The following GRID2 variants were observed in gnomAD, a reference collection of about 807,000 sequenced individuals.
GRID2 encodes the protein glutamate ionotropic receptor delta type subunit 2, also known as glutamate receptor ionotropic, delta-2.
GRID2 carries 33 observed loss-of-function variants against 114.8 expected under a neutral mutation model. The ratio of observed to expected loss-of-function variants is 0.29; its 90% CI spans 0.22 to 0.38. GRID2 has a LOEUF of 0.38. GRID2 is among the 10% of genes least tolerant of loss of function. The pLI, the probability that GRID2 is intolerant of heterozygous loss-of-function variation, is 1.00. For synonymous variants in GRID2, 505 were observed against 449.9 expected, an observed-to-expected ratio of 1.12 and a Z score of -1.55; for missense variants, 1,184 against 1,257.7, an observed-to-expected ratio of 0.94 and a Z score of 0.89.
intron 2 of GRID2, among the ~76,000 whole-genome samples, chr4:92,957,126 C>T (rs1275928942): frequency 2.0e-5 from 3 of 152,026 alleles, no homozygotes; most frequent in African/African-American, 2.4e-5. Flanking sequence ...TTGACAGTAT[C>T]TTTCACAGAG....
intron 2 of GRID2, among the ~76,000 whole-genome samples, chr4:93,059,639 A>G (rs1429641592): frequency 6.6e-6 from 1 of 152,148 alleles, no homozygotes; most frequent in Non-Finnish European, 1.5e-5. Flanking sequence ...TAACAGTACT[A>G]TGTTTTTCAT....
chr4:92,548,039 A>C (rs2149169594), intron 1 of GRID2, among the ~76,000 whole-genome samples: 1 of 152,288 alleles, frequency 6.6e-6, no homozygotes, highest in Non-Finnish European at 1.5e-5. Context: ...AGGCAACAAT[A>C]ATGATAAAAT....
chr4:92,332,388 C>A (rs1726937800), intron 1 of GRID2, among the ~76,000 whole-genome samples: 1 of 152,114 alleles, frequency 6.6e-6, no homozygotes, highest in South Asian at 2.1e-4. Flanking sequence ...GACTTAAACA[C>A]TTCCTGTTAG....
chr4:92,408,872 G>A (rs2110296259), intron 1 of GRID2, among the ~76,000 whole-genome samples: 1 of 152,166 alleles, frequency 6.6e-6, no homozygotes, highest in Admixed American at 6.5e-5. Flanking sequence ...TGTTTAGGTG[G>A]AGTCTTTGGG....
At chr4:93,063,924 T>C (rs867767472) in intron 2 of GRID2, among the ~76,000 whole-genome samples, 9 of 151,526 alleles carry the variant, frequency 5.9e-5, no homozygotes, top group Admixed American at 1.3e-4. Flanking sequence ...ATATATTTTG[T>C]TTAAAGTTAA....
In GRID2 at chr4:92,747,451, G is replaced by A. The variant is rs1429136288; in HGVS notation, c.244+157165G>A. Among the ~76,000 whole-genome samples, 5 of 152,148 alleles carry A rather than the reference G, an allele frequency of 3.3e-5. No individual in the cohort carries two copies. The East Asian group carries it at 9.7e-4, about 29-fold the overall frequency. On this transcript the variant is annotated intron_variant, in intron 2 of 15. Transcript: ENST00000282020. ...GTAAAAGTAAAAGATGCATTATTCA[G>A]CGTATGTTTCTTAGGACTCTCCTAC...
intron 2 of GRID2, among the ~76,000 whole-genome samples, chr4:92,683,143 C>G (rs779859008): frequency 6.6e-6 from 1 of 151,396 alleles, no homozygotes; most frequent in Non-Finnish European, 1.5e-5. Context: ...ACTAAAAATA[C>G]CAAAACTTAG....
chr4:92,479,355 A>G (rs1040662200), intron 1 of GRID2, among the ~76,000 whole-genome samples: 2 of 152,176 alleles, frequency 1.3e-5, no homozygotes, highest in Non-Finnish European at 2.9e-5. Context: ...AGTCTAATTC[A>G]TAATAAAATT....
chr4:92,669,274 C>G (rs988800885), intron 2 of GRID2, among the ~76,000 whole-genome samples: 1 of 151,860 alleles, frequency 6.6e-6, no homozygotes, highest in African/African-American at 2.4e-5. Context: ...TGTTGCTACT[C>G]TATGCCTTAT....
chr4:92,345,794 G>A (rs1389336292), intron 1 of GRID2, among the ~76,000 whole-genome samples: 1 of 152,070 alleles, frequency 6.6e-6, no homozygotes, highest in East Asian at 1.9e-4. Flanking sequence ...ACTATCTTGA[G>A]GTCTCTTGTA....
intron 14 of GRID2, among the ~76,000 whole-genome samples, chr4:93,728,557 T>C (rs1730166358): frequency 6.6e-6 from 1 of 152,146 alleles, no homozygotes; most frequent in Non-Finnish European, 1.5e-5. Flanking sequence ...CTTTCTGTCT[T>C]GTTTTTCTGT....
intron 1 of GRID2, among the ~76,000 whole-genome samples, chr4:92,524,672 T>C (rs1260994180): frequency 1.3e-5 from 2 of 152,110 alleles, no homozygotes; most frequent in Admixed American, 1.3e-4. Flanking sequence ...CTTAGTTTCC[T>C]GTGCCATGTA....
chr4:92,501,040 T>G (rs1294613638), intron 1 of GRID2, among the ~76,000 whole-genome samples: 2 of 152,130 alleles, frequency 1.3e-5, no homozygotes, highest in Non-Finnish European at 2.9e-5. Flanking sequence ...ATAGAAACCT[T>G]AGGCTTATTT....
chr4:92,689,769 A>G (rs28837704), intron 2 of GRID2, among the ~76,000 whole-genome samples: 37,026 of 152,158 alleles, frequency 0.24, 4,758 homozygotes, highest in East Asian at 0.43. Flanking sequence ...CAGCTTCTAC[A>G]GGAGCATGTG....
At chr4:92,443,627 C>G (rs1014142310) in intron 1 of GRID2, among the ~76,000 whole-genome samples, 1 of 152,116 alleles carries the variant, frequency 6.6e-6, no homozygotes, top group African/African-American at 2.4e-5. Context: ...TCTAGAAAAG[C>G]GGGACTTGCC....
chr4:93,322,617 G>A (rs963086915), intron 8 of GRID2, among the ~76,000 whole-genome samples: 47 of 152,136 alleles, frequency 3.1e-4, no homozygotes, highest in Non-Finnish European at 1.6e-4. Flanking sequence ...CTGAGGAATC[G>A]CCACATTGTC....
At chr4:93,691,458 T>G (rs768252104) in intron 14 of GRID2, among the ~76,000 whole-genome samples, 136 of 152,216 alleles carry the variant, frequency 8.9e-4, no homozygotes, top group Non-Finnish European at 9.1e-4. Flanking sequence ...CAAGGTATCA[T>G]GAAAAGTGTC....
chr4:93,197,517 T>C (rs527699304), intron 4 of GRID2, among the ~76,000 whole-genome samples: 10 of 152,176 alleles, frequency 6.6e-5, no homozygotes, highest in Non-Finnish European at 1.3e-4. Flanking sequence ...CTTATACTAT[T>C]ATTATTAATG....
intron 1 of GRID2, among the ~76,000 whole-genome samples, chr4:92,531,205 G>A (rs920337914): frequency 2.0e-5 from 3 of 152,060 alleles, no homozygotes; most frequent in Non-Finnish European, 2.9e-5. Flanking sequence ...GGATCAATGA[G>A]TGTTTCTTGT....
Sources: allele counts gnomAD v4.1 joint callset (sites outside exome capture counted in the v4.1 genomes callset), GRCh38; gene constraint gnomAD v4.1.1; transcripts MANE v1.5; gene names NCBI Gene and HGNC (gene_info 2026-07-23, HGNC 2026-07-21).